ABCA13: variants seen among roughly 807,000 people sequenced by gnomAD.
ABCA13 encodes the protein ATP binding cassette subfamily A member 13, also known as ATP-binding cassette sub-family A member 13.
Under a neutral mutation model 478.7 loss-of-function variants are expected in ABCA13, and 476 were observed. The observed-to-expected ratio is 0.99, with a 90% CI of 0.92 to 1.07. The LOEUF is 1.07. Ranked by LOEUF, ABCA13 falls within the 50% of genes least tolerant of loss-of-function variation. The pLI, the probability that ABCA13 is intolerant of heterozygous loss-of-function variation, is 0.00. For synonymous variants in ABCA13, 2,252 were observed against 2,158.9 expected (o/e 1.04, Z -1.20); for missense variants, 6,060 against 5,910.6 (o/e 1.03, Z -0.83).
At position 48,367,705 on chromosome 7, in the gene ABCA13, A is replaced by C. The variant is rs564894454; in HGVS notation, c.10689-89A>C. ...TGACCAAAGGAGATATCACTCCTGA[A>C]AGAGCTTTCTAACTTGGAAGAAAAA... On this transcript the variant is annotated intron_variant, in intron 31 of 61. Transcript: ENST00000435803. 7 of 1,004,750 alleles carry C rather than the reference A, an allele frequency of 7.0e-6. No homozygotes were observed. The South Asian group carries it at 9.7e-5, about 14-fold the overall frequency. The allele number at this position is 1,004,750 out of a possible 1,614,324, so 62.2% of individuals were successfully genotyped here.
intron 51 of ABCA13, among the ~76,000 whole-genome samples, chr7:48,516,242 A>T (rs1832096654): frequency 6.6e-6 from 1 of 152,154 alleles, no homozygotes. Flanking sequence ...TTAAATGGAA[A>T]ATTCCAGAAA....
intron 3 of ABCA13, among the ~76,000 whole-genome samples, chr7:48,212,084 C>T (rs755140367): frequency 6.6e-6 from 1 of 152,166 alleles, no homozygotes; most frequent in South Asian, 2.1e-4. Flanking sequence ...ACCACTTTAT[C>T]AGCCTGTAGT....
At chr7:48,427,927 A>G (rs896262390) in intron 42 of ABCA13, 56 bp downstream of exon 42, 4 of 1,190,544 alleles carry the variant, frequency 3.4e-6, no homozygotes, top group Non-Finnish European at 4.7e-6. Context: ...CACCAGCCTT[A>G]TTCAACATCC....
chr7:48,266,755 T>A (rs1439012137), intron 15 of ABCA13, among the ~76,000 whole-genome samples: 1 of 151,934 alleles, frequency 6.6e-6, no homozygotes, highest in African/African-American at 2.4e-5. Flanking sequence ...CTCTTCTAAT[T>A]GCTTTGCATG....
chr7:48,438,025 A>G (rs1394019529), intron 42 of ABCA13, among the ~76,000 whole-genome samples: 1 of 152,066 alleles, frequency 6.6e-6, no homozygotes, highest in African/African-American at 2.4e-5. Flanking sequence ...TTTAGTTTTC[A>G]TGTGCTCTGT....
intron 58 of ABCA13, among the ~76,000 whole-genome samples, chr7:48,613,899 A>T: frequency 6.8e-6 from 1 of 148,104 alleles, no homozygotes. Context: ...TTTGTAACAT[A>T]TTTCAAATTG....
intron 1 of ABCA13, among the ~76,000 whole-genome samples, chr7:48,175,909 C>G (rs1424950948): frequency 6.7e-6 from 1 of 149,306 alleles, no homozygotes; most frequent in Non-Finnish European, 1.5e-5. Flanking sequence ...ACAACAACAA[C>G]AAGAAAATCA....
chr7:48,635,006 C>T (rs1794510942), intron 59 of ABCA13, among the ~76,000 whole-genome samples: 1 of 152,030 alleles, frequency 6.6e-6, no homozygotes, highest in African/African-American at 2.4e-5. Flanking sequence ...TTAAAGGACT[C>T]CTTCCTGAGA....
chr7:48,620,886 G>A (rs1271567309), intron 59 of ABCA13, among the ~76,000 whole-genome samples: 1 of 152,116 alleles, frequency 6.6e-6, no homozygotes, highest in Non-Finnish European at 1.5e-5. Context: ...ATCTCATTTT[G>A]CAGAAGTCCA....
intron 42 of ABCA13, among the ~76,000 whole-genome samples, chr7:48,438,104 C>T (rs1823085585): frequency 6.6e-6 from 1 of 152,010 alleles, no homozygotes; most frequent in South Asian, 2.1e-4. Flanking sequence ...TGTGTGCTTG[C>T]TGAATCAGGT....
At chr7:48,577,956 A>G (rs1788348685) in intron 55 of ABCA13, among the ~76,000 whole-genome samples, 1 of 152,188 alleles carries the variant, frequency 6.6e-6, no homozygotes, top group African/African-American at 2.4e-5. Context: ...TTACAACAAT[A>G]GAATAAAAGG....
chr7:48,226,900 A>G (rs1788290442), intron 5 of ABCA13, among the ~76,000 whole-genome samples: 1 of 152,190 alleles, frequency 6.6e-6, no homozygotes, highest in African/African-American at 2.4e-5. Context: ...ATTTACATGT[A>G]AAGAATAGAT....
Position 48,403,726 on chromosome 7 carries a change from AC to A in ABCA13, c.11920del (p.Arg3974GlufsTer7). 1 of 1,613,912 alleles carries A rather than the reference AC, an allele frequency of 6.2e-7. No homozygotes were observed. The highest frequency in any genetic ancestry group is 8.5e-7 in the Non-Finnish European group (1 of 1,179,868). ...VDLTQHQHKQ[T>X]RALSGGLKRK... The stretch of plus-strand genomic sequence containing the variant: ...CTTAACTCAGCATCAGCACAAACAG[AC>A]CCGAGCTCTGTCTGGAGGCCTGAAG... On this transcript the variant is annotated frameshift_variant, in exon 39 of 62. Transcript: ENST00000435803. LOFTEE classifies it high-confidence loss of function.
intron 51 of ABCA13, among the ~76,000 whole-genome samples, chr7:48,511,735 A>G (rs1449463894): frequency 6.6e-6 from 1 of 152,150 alleles, no homozygotes; most frequent in African/African-American, 2.4e-5. Flanking sequence ...CCTCAAAATT[A>G]TATCTATCCG....
At chr7:48,478,696 A>G (rs766924719) in intron 45 of ABCA13, among the ~76,000 whole-genome samples, 26 of 152,132 alleles carry the variant, frequency 1.7e-4, no homozygotes, top group African/African-American at 6.0e-4. Flanking sequence ...GTATGGTTAC[A>G]TTCTTGGTCT....
intron 51 of ABCA13, among the ~76,000 whole-genome samples, chr7:48,512,744 A>G (rs960406901): frequency 2.1e-5 from 2 of 93,162 alleles, no homozygotes; most frequent in South Asian, 9.2e-4. Flanking sequence ...AATTTGAATT[A>G]AACTAAGAAT....
chr7:48,590,391 A>C (rs1332955876), intron 57 of ABCA13, among the ~76,000 whole-genome samples: 1 of 152,054 alleles, frequency 6.6e-6, no homozygotes, highest in Non-Finnish European at 1.5e-5. Flanking sequence ...TTATACACTT[A>C]GGGATGCTTA....
chr7:48,444,901 T>C (rs892005163), intron 42 of ABCA13, among the ~76,000 whole-genome samples: 1 of 152,194 alleles, frequency 6.6e-6, no homozygotes, highest in Non-Finnish European at 1.5e-5. Context: ...ATGTCAGAGT[T>C]ATTCATGAGC....
chr7:48,391,277 A>G (rs1287792881), intron 37 of ABCA13, among the ~76,000 whole-genome samples: 3 of 152,206 alleles, frequency 2.0e-5, no homozygotes, highest in Non-Finnish European at 4.4e-5. Flanking sequence ...ATGTTTCCTC[A>G]TCTGTAAAAA....
Sources: gnomAD v4.1 joint callset for allele counts (sites outside exome capture counted in the v4.1 genomes callset) on GRCh38, gnomAD v4.1.1 for gene constraint, MANE v1.5 for transcripts, NCBI Gene and HGNC (gene_info 2026-07-23, HGNC 2026-07-21) for gene names.